LMNB1: variants seen among roughly 807,000 people sequenced by gnomAD.
LMNB1 encodes the protein lamin B1, also known as lamin-B1.
LMNB1 carries 23 observed loss-of-function variants against 67.1 expected under a neutral mutation model. That is an observed-to-expected ratio of 0.34 (90% confidence interval 0.25 to 0.49). LMNB1 has a LOEUF of 0.49. LMNB1 is among the 20% of genes least tolerant of loss of function. LMNB1 has a pLI of 0.99. For synonymous variants in LMNB1, 281 were observed against 282.9 expected (o/e 0.99, Z 0.07); for missense variants, 634 against 746.5 (o/e 0.85, Z 1.76).
intron 1 of LMNB1, among the ~76,000 whole-genome samples, chr5:126,783,825 T>A (rs1047317206): frequency 6.6e-6 from 1 of 152,142 alleles, no homozygotes; most frequent in Non-Finnish European, 1.5e-5. Context: ...TTCAGACTTT[T>A]TTTTTATGCC....
rs186223074 is a variant in LMNB1, at chr5:126,800,748, G to A, written c.360-4028G>A. Among the ~76,000 whole-genome samples, 1,039 of 143,728 alleles carry A rather than the reference G, an allele frequency of 7.2e-3. 7 individuals carry two copies. Among genetic ancestry groups the A allele is most frequent in the Non-Finnish European group, 0.011 (754 of 66,580 alleles). 94.3% of individuals were successfully genotyped at this position (143,728 alleles called of 152,430 possible). ...GCTCACCGCAACCTCTGCCTCCCGG[G>A]TTCAAGCGATTCTCCCGCCTCAGCC... On this transcript the variant is annotated intron_variant, in intron 1 of 10. Coordinates refer to ENST00000261366, the MANE Select transcript of LMNB1 (RefSeq NM_005573.4).
At chr5:126,802,869 T>C (rs1388412100) in intron 1 of LMNB1, among the ~76,000 whole-genome samples, 1 of 152,138 alleles carries the variant, frequency 6.6e-6, no homozygotes, top group Non-Finnish European at 1.5e-5. Flanking sequence ...TTTTATAATG[T>C]AGAACTCCAT....
chr5:126,803,507 C>T (rs965239910), intron 1 of LMNB1, among the ~76,000 whole-genome samples: 48 of 151,844 alleles, frequency 3.2e-4, no homozygotes, highest in African/African-American at 1.1e-3. Context: ...CTCAGCCTCC[C>T]AGAGTGCTGG....
At chr5:126,797,691 A>G (rs990481607) in intron 1 of LMNB1, among the ~76,000 whole-genome samples, 1 of 152,232 alleles carries the variant, frequency 6.6e-6, no homozygotes, top group African/African-American at 2.4e-5. Context: ...GAAAAATAAT[A>G]TGGTTAGAAA....
At chr5:126,788,707 G>A (rs928482022) in intron 1 of LMNB1, among the ~76,000 whole-genome samples, 9 of 152,084 alleles carry the variant, frequency 5.9e-5, no homozygotes, top group Non-Finnish European at 7.4e-5. Context: ...GTTTGATGAA[G>A]CCTAAAAAGT....
At chr5:126,832,633 C>A (rs918541683) in intron 9 of LMNB1, 61 bp from the exon 10 acceptor site, 5 of 1,205,116 alleles carry the variant, frequency 4.1e-6, no homozygotes, top group African/African-American at 3.0e-5. Flanking sequence ...GAAAAGGTCC[C>A]TCTCCCCCGC....
At chr5:126,813,763 G>C (rs1051712136) in intron 5 of LMNB1, among the ~76,000 whole-genome samples, 2 of 152,104 alleles carry the variant, frequency 1.3e-5, no homozygotes, top group Non-Finnish European at 2.9e-5. Flanking sequence ...ATTCACTAGG[G>C]CTTTCCTCTC....
chr5:126,812,888 G>A (rs995980657), intron 5 of LMNB1, among the ~76,000 whole-genome samples: 1 of 151,764 alleles, frequency 6.6e-6, no homozygotes, highest in African/African-American at 2.4e-5. Context: ...GTGCCACCAC[G>A]CCCGGCTAAT....
In LMNB1 at chr5:126,777,148, C is replaced by T. The variant is rs930107433; in HGVS notation, c.-361C>T. On this transcript the variant is annotated 5_prime_UTR_variant, in exon 1 of 11. Coordinates refer to ENST00000261366, the MANE Select transcript of LMNB1 (RefSeq NM_005573.4). ...CCCCCCGCCCGCCGCTCCGTGCAGCCTGAGAGGAAACAAAGTGCTGCGAGC... is the reference window on the plus strand; with the variant it reads ...CCCCCCGCCCGCCGCTCCGTGCAGCTTGAGAGGAAACAAAGTGCTGCGAGC... The T allele has an allele frequency of 5.3e-6, 1 of 187,228 alleles. No homozygotes were observed. 11.6% of individuals were successfully genotyped at this position (187,228 alleles called of 1,614,324 possible).
At chr5:126,785,582 C>CA (rs1750761194) in intron 1 of LMNB1, among the ~76,000 whole-genome samples, 1 of 151,512 alleles carries the variant, frequency 6.6e-6, no homozygotes, top group Non-Finnish European at 1.5e-5. Flanking sequence ...CTCAGCCTCC[C>CA]AAAGTGCTAG....
chr5:126,827,693 G>A (rs1259577719), intron 9 of LMNB1, among the ~76,000 whole-genome samples: 1 of 152,170 alleles, frequency 6.6e-6, no homozygotes, highest in African/African-American at 2.4e-5. Context: ...AGTTTGTCAG[G>A]AGAGGGTCCA....
rs1450813982 is a variant in LMNB1 at position 126,819,131 on chromosome 5, C to T, written c.1149C>T (p.Gly383=). 7.4e-6 allele frequency: 12 copies of T among 1,613,236 alleles called. No individual in the cohort carries two copies. The highest frequency in any genetic ancestry group is 8.5e-6 in the Non-Finnish European group (10 of 1,179,476). ...GTGCTTACAGGAAACTCTTAGAAGG[C>T]GAAGAAGAGAGGTAAGGAACTTAAG... ...EISAYRKLLE[G]EEERLKLSPS... Residue 383 remains glycine (G), a synonymous_variant, in exon 6 of 11, where the codon GGC becomes GGT. Coordinates refer to ENST00000261366, the MANE Select transcript of LMNB1 (RefSeq NM_005573.4).
chr5:126,785,014 T>C (rs886317685), intron 1 of LMNB1, among the ~76,000 whole-genome samples: 16 of 150,412 alleles, frequency 1.1e-4, no homozygotes, highest in African/African-American at 3.9e-4. Context: ...GGAGTCTTGC[T>C]GTGTCACCAG....
In LMNB1 at chr5:126,820,933, C is replaced by T; in HGVS notation, c.1184C>T (p.Ser395Phe). Residue 395 changes from serine to phenylalanine, a missense_variant, in exon 7 of 11, where the codon TCT becomes TTT. Transcript: ENST00000261366. ...EERLKLSPSP[S>F]SRVTVSRASS... ...AGGTTGAAGCTGTCTCCAAGCCCTT[C>T]TTCCCGTGTGACAGTATCCCGAGCA... 1.9e-6 allele frequency: 3 copies of T among 1,613,718 alleles called. No homozygotes were observed. The highest frequency in any genetic ancestry group is 1.7e-6 in the Non-Finnish European group (2 of 1,179,862).
At chr5:126,828,531 C>T (rs558152616) in intron 9 of LMNB1, among the ~76,000 whole-genome samples, 2 of 151,598 alleles carry the variant, frequency 1.3e-5, no homozygotes, top group African/African-American at 4.8e-5. Flanking sequence ...ATAACTCAAA[C>T]ATTGAATAGT....
rs112908659 is a variant in LMNB1, at chr5:126,786,569, C to T, written c.359+8702C>T. Among the ~76,000 whole-genome samples the T allele has an allele frequency of 7.9e-3, 1,206 of 152,276 alleles. 23 individuals are homozygous for T. The highest frequency in any genetic ancestry group is 0.027 in the African/African-American group (1,121 of 41,552). On this transcript the variant is annotated intron_variant, in intron 1 of 10. Coordinates refer to ENST00000261366, the MANE Select transcript of LMNB1 (RefSeq NM_005573.4). ...ACTTCTAGCATTGTGATAGGGTGTT[C>T]ACATACATAACCTTATTTCATCCAT...
chr5:126,799,301 C>G (rs1038870738), intron 1 of LMNB1, among the ~76,000 whole-genome samples: 1 of 152,152 alleles, frequency 6.6e-6, no homozygotes, highest in Non-Finnish European at 1.5e-5. Context: ...CGTGAGCCAC[C>G]GCGCCCGGCC....
chr5:126,833,001 A>AT (rs1752171362), intron 10 of LMNB1, among the ~76,000 whole-genome samples, 200 bp downstream of exon 10: 1 of 151,746 alleles, frequency 6.6e-6, no homozygotes. Flanking sequence ...TTTTATTTTT[A>AT]TTTTTTCTCA....
At chr5:126,831,791 T>C (rs896791898) in intron 9 of LMNB1, among the ~76,000 whole-genome samples, 3 of 152,222 alleles carry the variant, frequency 2.0e-5, no homozygotes, top group African/African-American at 7.2e-5. Context: ...GTAGAATTCT[T>C]AGTAACAGAA....
Sources: gnomAD v4.1 joint callset for allele counts (sites outside exome capture counted in the v4.1 genomes callset) on GRCh38, gnomAD v4.1.1 for gene constraint, MANE v1.5 for transcripts, NCBI Gene and HGNC (gene_info 2026-07-23, HGNC 2026-07-21) for gene names.